Variants in FAM135B observed in about 807,000 individuals in gnomAD.
FAM135B encodes protein FAM135B.
Under a neutral mutation model 127.7 loss-of-function variants are expected in FAM135B, and 43 were observed. The ratio of observed to expected loss-of-function variants is 0.34; its 90% CI spans 0.26 to 0.43. The LOEUF is 0.43. Ranked by LOEUF, FAM135B falls within the 20% of genes least tolerant of loss-of-function variation. The probability of loss-of-function intolerance (pLI) is 1.00; values close to 1 mark genes in which losing one functional copy is unlikely to be tolerated. For synonymous variants in FAM135B, 670 were observed against 665.1 expected, an observed-to-expected ratio of 1.01 and a Z score of -0.11; for missense variants, 1,558 against 1,725.6, an observed-to-expected ratio of 0.90 and a Z score of 1.72.
At chr8:138,133,386 T>A (rs1052891681) in intron 19 of FAM135B, among the ~76,000 whole-genome samples, 6 of 152,118 alleles carry the variant, frequency 3.9e-5, no homozygotes, top group Admixed American at 2.0e-4. Flanking sequence ...GCCATGGAGG[T>A]CTTGGAGCCA....
chr8:138,139,288 T>C (rs1352978083), intron 17 of FAM135B, among the ~76,000 whole-genome samples, 192 bp from the exon 18 acceptor site: 1 of 152,148 alleles, frequency 6.6e-6, no homozygotes, highest in African/African-American at 2.4e-5. Context: ...GGAAAGGACT[T>C]AAATCATCCT....
intron 18 of FAM135B, 119 bp from the exon 19 acceptor site, chr8:138,137,379 C>A: frequency 1.5e-6 from 1 of 681,962 alleles, no homozygotes; most frequent in Non-Finnish European, 2.7e-6. Context: ...TGACACACCA[C>A]ACACTAGTGT....
chr8:138,318,765 G>A (rs943774494), intron 2 of FAM135B, among the ~76,000 whole-genome samples: 27 of 152,278 alleles, frequency 1.8e-4, no homozygotes, highest in Non-Finnish European at 2.5e-4. Context: ...CTTACTTCAA[G>A]AACTTAATTA....
At chr8:138,407,313 G>A (rs1429689897) in intron 1 of FAM135B, among the ~76,000 whole-genome samples, 3 of 151,938 alleles carry the variant, frequency 2.0e-5, no homozygotes, top group African/African-American at 7.3e-5. Flanking sequence ...AATCAATATC[G>A]TGAAAATGGC....
chr8:138,180,378 T>G (rs1336854427), intron 9 of FAM135B, among the ~76,000 whole-genome samples: 1 of 152,198 alleles, frequency 6.6e-6, no homozygotes, highest in Non-Finnish European at 1.5e-5. Flanking sequence ...CCGCGGAGCT[T>G]TCTACTATGC....
At chr8:138,167,653 G>A (rs545592644) in intron 12 of FAM135B, among the ~76,000 whole-genome samples, 46 of 152,296 alleles carry the variant, frequency 3.0e-4, no homozygotes, top group Admixed American at 2.6e-3. Flanking sequence ...GAAGCACTAC[G>A]TATAATTCCA....
chr8:138,245,840 G>T lies in FAM135B; in HGVS notation c.543-2772C>A, dbSNP rs1193921010. ...TTGGAATTTCCTAGAAACTTGGAGG[G>T]CTCAGAAGACAGGAAGATGTGGTAA... On this transcript the variant is annotated intron_variant, in intron 6 of 19. Transcript: ENST00000395297. Among the ~76,000 whole-genome samples the T allele has an allele frequency of 2.0e-5, 3 of 152,144 alleles. No individual in the cohort carries two copies. The East Asian group carries it at 5.8e-4, about 29-fold the overall frequency.
At chr8:138,253,249 A>G (rs1586892178) in intron 5 of FAM135B, among the ~76,000 whole-genome samples, 1 of 152,234 alleles carries the variant, frequency 6.6e-6, no homozygotes, top group Non-Finnish European at 1.5e-5. Flanking sequence ...AGAACTATTC[A>G]GGGCAGAATG....
At chr8:138,307,955 T>C (rs758865466) in intron 3 of FAM135B, among the ~76,000 whole-genome samples, 5 of 152,182 alleles carry the variant, frequency 3.3e-5, no homozygotes, top group African/African-American at 1.2e-4. Flanking sequence ...TATGTTTGGA[T>C]AGTTGGCCAG....
chr8:138,180,255 T>C (rs1474245063), intron 9 of FAM135B, among the ~76,000 whole-genome samples: 4 of 152,162 alleles, frequency 2.6e-5, no homozygotes, highest in African/African-American at 9.7e-5. Context: ...CCCAGGCACA[T>C]GTTTAGAATA....
chr8:138,297,203 G>A (rs1175496341), intron 3 of FAM135B, among the ~76,000 whole-genome samples: 1 of 152,204 alleles, frequency 6.6e-6, no homozygotes, highest in Non-Finnish European at 1.5e-5. Context: ...CACAAAAACA[G>A]CTAAGAAATA....
chr8:138,220,508 C>A (rs929065494), intron 7 of FAM135B, among the ~76,000 whole-genome samples: 1 of 152,132 alleles, frequency 6.6e-6, no homozygotes, highest in Non-Finnish European at 1.5e-5. Context: ...TCAGTTTCTT[C>A]ATCTTAAAAA....
At chr8:138,390,269 G>A (rs1366470829) in intron 1 of FAM135B, among the ~76,000 whole-genome samples, 1 of 152,146 alleles carries the variant, frequency 6.6e-6, no homozygotes, top group African/African-American at 2.4e-5. Context: ...GGGAACTGGT[G>A]GGAGGTTCAC....
intron 7 of FAM135B, among the ~76,000 whole-genome samples, chr8:138,236,881 T>C (rs1820315920): frequency 1.3e-5 from 2 of 152,180 alleles, no homozygotes; most frequent in Admixed American, 6.5e-5. Context: ...ATTGTCTTAG[T>C]CCCTGCAGCT....
At chr8:138,442,257 T>TAC (rs1835832680) in intron 1 of FAM135B, among the ~76,000 whole-genome samples, 4 of 124,352 alleles carry the variant, frequency 3.2e-5, no homozygotes, top group Admixed American at 2.4e-4. Context: ...TATATATATA[T>TAC]ATATATATAT....
At chr8:138,407,953 C>T (rs1202225002) in intron 1 of FAM135B, among the ~76,000 whole-genome samples, 1 of 152,036 alleles carries the variant, frequency 6.6e-6, no homozygotes, top group African/African-American at 2.4e-5. Flanking sequence ...CTTTCTGAGC[C>T]GTAGGTTTCA....
chr8:138,335,963 C>T (rs1218642270), intron 2 of FAM135B, among the ~76,000 whole-genome samples: 3 of 152,038 alleles, frequency 2.0e-5, no homozygotes, highest in African/African-American at 7.2e-5. Flanking sequence ...CACTCAAAAC[C>T]GCTCAACTAC....
At chr8:138,303,552 G>GT in intron 3 of FAM135B, among the ~76,000 whole-genome samples, 1 of 152,128 alleles carries the variant, frequency 6.6e-6, no homozygotes, top group East Asian at 1.9e-4. Context: ...GCATGCCTAT[G>GT]TAACAAACCT....
At chr8:138,282,489 A>C (rs1824338066) in intron 3 of FAM135B, among the ~76,000 whole-genome samples, 1 of 152,242 alleles carries the variant, frequency 6.6e-6, no homozygotes, top group Admixed American at 6.5e-5. Flanking sequence ...ACAATGAGAA[A>C]ACAAACAACC....
Sources: gnomAD v4.1 joint callset for allele counts (sites outside exome capture counted in the v4.1 genomes callset) on GRCh38, gnomAD v4.1.1 for gene constraint, MANE v1.5 for transcripts, NCBI Gene and HGNC (gene_info 2026-07-23, HGNC 2026-07-21) for gene names.